The following CYTIP variants were observed in gnomAD, a reference collection of about 807,000 sequenced individuals.
CYTIP encodes the protein cytohesin 1 interacting protein, also known as cytohesin-interacting protein.
In CYTIP, 26 loss-of-function variants were observed where a neutral mutation model predicts 43.8. The observed-to-expected ratio is 0.59, with a 90% CI of 0.44 to 0.82. CYTIP has a LOEUF of 0.82. Among genes scored for constraint, CYTIP ranks in the 40% least tolerant of loss-of-function variants. The pLI is 0.00. For missense variants in CYTIP, 426 were observed against 443.1 expected, an observed-to-expected ratio of 0.96 and a Z score of 0.35; for synonymous variants, 162 against 162.9, an observed-to-expected ratio of 0.99 and a Z score of 0.04.
chr2:157,431,348 C>T (rs1337570241), intron 3 of CYTIP, among the ~76,000 whole-genome samples: 1 of 152,202 alleles, frequency 6.6e-6, no homozygotes, highest in Non-Finnish European at 1.5e-5. Flanking sequence ...CTAAAACACT[C>T]ATTATAGGAG....
intron 6 of CYTIP, among the ~76,000 whole-genome samples, chr2:157,421,497 G>A (rs567530408): frequency 2.0e-5 from 3 of 152,204 alleles, no homozygotes; most frequent in South Asian, 2.1e-4. Context: ...TTACAGATTC[G>A]AAAATGAATA....
At chr2:157,430,708 G>T in intron 4 of CYTIP, 56 bp from the exon 5 acceptor site, 1 of 1,541,474 alleles carries the variant, frequency 6.5e-7, no homozygotes, top group Non-Finnish European at 9.0e-7. Context: ...AATCCCTCCT[G>T]ACATGCAAAT....
At chr2:157,427,506 A>G in intron 5 of CYTIP, 86 bp from the exon 6 acceptor site, 1 of 951,696 alleles carries the variant, frequency 1.1e-6, no homozygotes, top group Non-Finnish European at 1.5e-6. Context: ...ACTACAGAGT[A>G]CTACACTTTG....
At chr2:157,429,777 A>T (rs1458245525) in intron 5 of CYTIP, among the ~76,000 whole-genome samples, 1 of 152,090 alleles carries the variant, frequency 6.6e-6, no homozygotes, top group African/African-American at 2.4e-5. Flanking sequence ...TAATCCCAGC[A>T]CTTTGGGAGG....
chr2:157,430,022 CAAAAAAAAAA>C (rs768455650), intron 5 of CYTIP, among the ~76,000 whole-genome samples: 7 of 52,706 alleles, frequency 1.3e-4, no homozygotes, highest in East Asian at 5.9e-4. Context: ...GACTCCGTCT[CAAAAAAAAAA>C]AAAAAAAAAA....
chr2:157,440,856 A>G (rs780911720), intron 1 of CYTIP, among the ~76,000 whole-genome samples: 2 of 152,142 alleles, frequency 1.3e-5, no homozygotes, highest in Non-Finnish European at 2.9e-5. Context: ...TGGTAAGACA[A>G]TCACTACTTC....
chr2:157,428,645 C>T (rs1685650606), intron 5 of CYTIP, among the ~76,000 whole-genome samples: 1 of 152,192 alleles, frequency 6.6e-6, no homozygotes, highest in Non-Finnish European at 1.5e-5. Context: ...TGTGGTCTAC[C>T]CTCTTCACCC....
At position 157,444,003 on chromosome 2, in the gene CYTIP, G is replaced by A. The variant is rs1354559902; in HGVS notation, c.18C>T (p.Leu6=). MSLQR[L]LQHSSNGNLA... ...AATTGCCATTGCTGCTGTGTTGCAG[G>A]AGCCTTTGTAAAGACATTGTGAATA... is the stretch of plus-strand genomic sequence containing the variant. The change falls in exon 1 of 8, where the codon CTC becomes CTT. Residue 6 remains leucine (L), a synonymous_variant. Transcript: ENST00000264192. The A allele has an allele frequency of 6.2e-7, 1 of 1,613,840 alleles. No homozygotes were observed. The highest frequency in any genetic ancestry group is 1.3e-5 in the African/African-American group (1 of 74,924).
chr2:157,443,720 C>A, intron 1 of CYTIP, 127 bp downstream of exon 1: 1 of 1,023,568 alleles, frequency 9.8e-7, no homozygotes, highest in African/African-American at 1.6e-5. Context: ...ACCTCCTTCA[C>A]CCATAATAAT....
At chr2:157,422,824 T>C (rs754804793) in intron 6 of CYTIP, among the ~76,000 whole-genome samples, 34 of 151,882 alleles carry the variant, frequency 2.2e-4, no homozygotes, top group Admixed American at 1.3e-3. Context: ...GAAAAAGAAC[T>C]ACAAGATAAT....
chr2:157,419,466 A>G lies in CYTIP; in HGVS notation c.547-877T>C, dbSNP rs574429121. ...ACAGTGGGAATTAAGTAGCTGCCAC[A>G]TGGGTCAAGACAGCACACAAGTCTT... On this transcript the variant is annotated intron_variant, in intron 6 of 7. Transcript: ENST00000264192. Among the ~76,000 whole-genome samples the G allele has an allele frequency of 1.8e-4, 27 of 152,340 alleles. No individual in the cohort carries two copies. The South Asian group carries it at 5.2e-3, about 29-fold the overall frequency.
At chr2:157,443,735 C>G in intron 1 of CYTIP, 112 bp downstream of exon 1, 6 of 1,144,144 alleles carry the variant, frequency 5.2e-6, no homozygotes, top group Non-Finnish European at 7.3e-6. Flanking sequence ...AATAATCAGC[C>G]AGTAATTCCA....
chr2:157,432,558 C>T (rs1685728655), intron 3 of CYTIP, among the ~76,000 whole-genome samples: 1 of 152,008 alleles, frequency 6.6e-6, no homozygotes, highest in African/African-American at 2.4e-5. Context: ...TCCTAAGGAC[C>T]CCATAAGGCA....
Position 157,418,063 on chromosome 2 carries a change from A to G in CYTIP, c.613+460T>C, listed in dbSNP as rs1023169902. The stretch of plus-strand genomic sequence containing the variant: ...TATGTCTTTGTCTTGGGGGCCATGA[A>G]AAAGAATTTCTCTGCATAAATGCAA... On this transcript the variant is annotated intron_variant, in intron 7 of 7. Transcript: ENST00000264192. Among the ~76,000 whole-genome samples, 28 of 152,230 alleles carry G rather than the reference A, an allele frequency of 1.8e-4. 1 individual carries two copies. The highest frequency in any genetic ancestry group is 6.3e-4 in the African/African-American group (26 of 41,456).
intron 5 of CYTIP, among the ~76,000 whole-genome samples, chr2:157,428,844 A>C (rs1685653465): frequency 6.6e-6 from 1 of 152,190 alleles, no homozygotes; most frequent in East Asian, 1.9e-4. Context: ...ACAAACACCC[A>C]AAGCATCCTT....
chr2:157,418,272 C>T (rs1685468254), intron 7 of CYTIP, among the ~76,000 whole-genome samples: 1 of 152,138 alleles, frequency 6.6e-6, no homozygotes, highest in East Asian at 1.9e-4. Flanking sequence ...TCTCCAGGTG[C>T]CTGTTTTCGA....
rs565052410 is a variant in CYTIP at position 157,416,977 on chromosome 2, G to T, written c.614-834C>A. Among the ~76,000 whole-genome samples, 502 of 152,168 alleles carry T rather than the reference G, an allele frequency of 3.3e-3. 2 individuals carry two copies. Among genetic ancestry groups the T allele is most frequent in the African/African-American group, 0.011 (461 of 41,502 alleles). ...TGGTTGGTATCTTGTGTGTGTGTGTGTGTGAGAGAGAGAGAGAGAGAGAGA... is the reference window on the plus strand; with the variant it reads ...TGGTTGGTATCTTGTGTGTGTGTGTTTGTGAGAGAGAGAGAGAGAGAGAGA... On this transcript the variant is annotated intron_variant, in intron 7 of 7. Transcript: ENST00000264192.
Position 157,434,419 on chromosome 2 carries a change from A to C in CYTIP, c.230T>G (p.Leu77Arg). ...ATTATCCTGCTTCTCCACAGTAACA[A>C]GCTTTCTGTAATAAAAATGTTTAAA... ...LSDFSWSQRK[L>R]VTVEKQDNET... is the part of the protein sequence containing the mutation. The change falls in exon 3 of 8, where the codon CTT becomes CGT. Residue 77 changes from leucine to arginine, a missense_variant. Leu to Arg is a moderately radical substitution (Grantham distance 102). Transcript: ENST00000264192. The C allele has an allele frequency of 6.2e-7, 1 of 1,610,480 alleles. No individual in the cohort carries two copies. The highest frequency in any genetic ancestry group is 8.5e-7 in the Non-Finnish European group (1 of 1,177,784).
At chr2:157,428,197 C>T (rs572777951) in intron 5 of CYTIP, among the ~76,000 whole-genome samples, 176 of 152,294 alleles carry the variant, frequency 1.2e-3, no homozygotes, top group Non-Finnish European at 2.1e-3. Flanking sequence ...GACTACTAAA[C>T]CATCAATCTG....
Sources: allele counts gnomAD v4.1 joint callset (sites outside exome capture counted in the v4.1 genomes callset), GRCh38; gene constraint gnomAD v4.1.1; transcripts MANE v1.5; gene names NCBI Gene and HGNC (gene_info 2026-07-23, HGNC 2026-07-21).